Variants in ATP8A2 observed in about 807,000 individuals in gnomAD.
ATP8A2 encodes the protein phospholipid-transporting ATPase IB.
In ATP8A2, 100 loss-of-function variants were observed where a neutral mutation model predicts 165.6. The ratio of observed to expected loss-of-function variants is 0.60; its 90% CI spans 0.51 to 0.71. ATP8A2 has a LOEUF of 0.71. ATP8A2 is among the 30% of genes least tolerant of loss of function. ATP8A2 has a pLI of 0.00. For synonymous variants in ATP8A2, 543 were observed against 548.8 expected (o/e 0.99, Z 0.15); for missense variants, 1,227 against 1,479.5 (o/e 0.83, Z 2.80).
intron 25 of ATP8A2, among the ~76,000 whole-genome samples, chr13:25,734,774 G>T (rs1334194098): frequency 6.6e-6 from 1 of 152,172 alleles, no homozygotes; most frequent in Non-Finnish European, 1.5e-5. Context: ...AAGTAGCTGA[G>T]ATTACAGGTG....
intron 1 of ATP8A2, among the ~76,000 whole-genome samples, chr13:25,461,812 T>G (rs1313142452): frequency 6.6e-6 from 1 of 151,144 alleles, no homozygotes; most frequent in African/African-American, 2.4e-5. Flanking sequence ...GGTTTTTACG[T>G]TTTTAAAGAT....
At chr13:25,770,395 A>G (rs1212117226) in intron 26 of ATP8A2, among the ~76,000 whole-genome samples, 2 of 152,132 alleles carry the variant, frequency 1.3e-5, no homozygotes, top group African/African-American at 4.8e-5. Context: ...CCCACCACCC[A>G]GGAACTGACT....
intron 36 of ATP8A2, among the ~76,000 whole-genome samples, chr13:26,014,049 C>T (rs1416134334): frequency 6.6e-6 from 1 of 152,182 alleles, no homozygotes; most frequent in Non-Finnish European, 1.5e-5. Context: ...ATTGCAGCCT[C>T]AGACTCTGGC....
At chr13:25,954,180 T>C (rs1261258955) in intron 33 of ATP8A2, among the ~76,000 whole-genome samples, 1 of 152,130 alleles carries the variant, frequency 6.6e-6, no homozygotes, top group Non-Finnish European at 1.5e-5. Flanking sequence ...GGGAGGTGCG[T>C]CCACCATTAC....
intron 2 of ATP8A2, among the ~76,000 whole-genome samples, chr13:25,486,630 A>G (rs1316800761): frequency 6.6e-6 from 1 of 152,226 alleles, no homozygotes; most frequent in African/African-American, 2.4e-5. Flanking sequence ...AAATTAGGAC[A>G]GCATCAACAT....
chr13:25,651,119 T>C (rs989247595), intron 24 of ATP8A2, among the ~76,000 whole-genome samples: 1 of 152,144 alleles, frequency 6.6e-6, no homozygotes, highest in Admixed American at 6.6e-5. Flanking sequence ...TGTGAGAAAA[T>C]TTAAACTACT....
chr13:25,822,292 T>C (rs867043174), intron 27 of ATP8A2, among the ~76,000 whole-genome samples: 64 of 152,308 alleles, frequency 4.2e-4, no homozygotes, highest in African/African-American at 1.5e-3. Context: ...TACCATTATA[T>C]TTTTGTGTTG....
At chr13:25,673,826 A>G (rs1172676390) in intron 24 of ATP8A2, among the ~76,000 whole-genome samples, 1 of 152,192 alleles carries the variant, frequency 6.6e-6, no homozygotes, top group African/African-American at 2.4e-5. Context: ...GTGTGGTCCT[A>G]GTTAGACTTG....
At chr13:25,708,032 CT>C (rs2043088732) in intron 25 of ATP8A2, among the ~76,000 whole-genome samples, 1 of 152,312 alleles carries the variant, frequency 6.6e-6, no homozygotes, top group South Asian at 2.1e-4. Flanking sequence ...AAGACTTTTC[CT>C]GTGTTTCTTT....
At chr13:25,581,357 T>C (rs1308642949) in intron 22 of ATP8A2, among the ~76,000 whole-genome samples, 1 of 152,204 alleles carries the variant, frequency 6.6e-6, no homozygotes, top group Non-Finnish European at 1.5e-5. Flanking sequence ...AATCTTAAGA[T>C]ACTTGGATTT....
intron 33 of ATP8A2, among the ~76,000 whole-genome samples, chr13:25,906,280 C>T (rs1207530211): frequency 7.6e-6 from 1 of 130,984 alleles, no homozygotes; most frequent in Non-Finnish European, 1.6e-5. Context: ...CTAGCATAAA[C>T]TTTCATATCC....
At chr13:25,689,213 G>A (rs1279733818) in intron 24 of ATP8A2, among the ~76,000 whole-genome samples, 1 of 152,196 alleles carries the variant, frequency 6.6e-6, no homozygotes. Context: ...TTTAGCACGT[G>A]TTTTAAGAAA....
chr13:26,008,615 A>G (rs912411433), intron 35 of ATP8A2, among the ~76,000 whole-genome samples: 4 of 152,216 alleles, frequency 2.6e-5, no homozygotes, highest in African/African-American at 9.7e-5. Flanking sequence ...GCAGCTGAAC[A>G]GGATATAAAA....
intron 24 of ATP8A2, among the ~76,000 whole-genome samples, chr13:25,689,439 G>A (rs1250670433): frequency 1.3e-5 from 2 of 152,116 alleles, no homozygotes; most frequent in Admixed American, 6.6e-5. Context: ...AACTTAAGTT[G>A]TCTAGAAAAT....
chr13:25,626,087 G>A (rs1041735029), intron 24 of ATP8A2, among the ~76,000 whole-genome samples: 20 of 152,156 alleles, frequency 1.3e-4, no homozygotes, highest in Admixed American at 1.3e-3. Flanking sequence ...AACACAAGTG[G>A]TTTATTCTTT....
chr13:25,421,465 G>A (rs1238671253), intron 1 of ATP8A2, among the ~76,000 whole-genome samples: 4 of 152,118 alleles, frequency 2.6e-5, no homozygotes, highest in Non-Finnish European at 5.9e-5. Context: ...CCCCCAAGTA[G>A]CTAGGACTAC....
intron 25 of ATP8A2, among the ~76,000 whole-genome samples, chr13:25,731,837 A>G (rs573607197): frequency 1.2e-4 from 19 of 152,224 alleles, no homozygotes; most frequent in Non-Finnish European, 2.8e-4. Flanking sequence ...TGTTCTTTTT[A>G]AGCAAGAGTC....
chr13:25,441,486 G>A (rs1252326677), intron 1 of ATP8A2, among the ~76,000 whole-genome samples: 2 of 152,162 alleles, frequency 1.3e-5, no homozygotes, highest in Non-Finnish European at 1.5e-5. Flanking sequence ...TCAGTGCGGC[G>A]TGGACTGTGA....
At chr13:25,515,156 G>A (rs183062252) in intron 2 of ATP8A2, among the ~76,000 whole-genome samples, 8 of 152,258 alleles carry the variant, frequency 5.3e-5, no homozygotes, top group East Asian at 1.9e-4. Flanking sequence ...AGCTTTTCCC[G>A]CCTTCAGAGC....
Sources: gnomAD v4.1 joint callset for allele counts (sites outside exome capture counted in the v4.1 genomes callset) on GRCh38, gnomAD v4.1.1 for gene constraint, MANE v1.5 for transcripts, NCBI Gene and HGNC (gene_info 2026-07-23, HGNC 2026-07-21) for gene names.